The following FABP1 variants were observed in gnomAD, a reference collection of about 807,000 sequenced individuals.
FABP1 encodes the protein fatty acid binding protein 1.
A neutral mutation model predicts 13.7 loss-of-function variants in FABP1; 13 were observed. The observed-to-expected ratio is 0.95, with a 90% CI of 0.62 to 1.51. FABP1 has a LOEUF of 1.51. Among genes scored for constraint, FABP1 ranks in the 40% most tolerant of loss-of-function variants. The pLI, the probability that FABP1 is intolerant of heterozygous loss-of-function variation, is 0.00. For missense variants in FABP1, 140 were observed against 155.7 expected, an observed-to-expected ratio of 0.90 and a Z score of 0.54; for synonymous variants, 48 against 59.8, an observed-to-expected ratio of 0.80 and a Z score of 0.91.
At chr2:88,123,314 C>T (rs1043280380) in intron 3 of FABP1, 2 of 554,246 alleles carry the variant, frequency 3.6e-6, no homozygotes, top group Middle Eastern at 4.8e-4. Context: ...TGTCACTTCT[C>T]CTCCTCACCT....
At chr2:88,127,509 G>A (rs560897687) in intron 1 of FABP1, among the ~76,000 whole-genome samples, 64 of 152,136 alleles carry the variant, frequency 4.2e-4, no homozygotes, top group South Asian at 1.0e-3. Context: ...CACAGTCAGC[G>A]CTCCATACAC....
intron 2 of FABP1, 144 bp from the exon 3 acceptor site, chr2:88,124,730 G>A: frequency 1.7e-6 from 1 of 583,972 alleles, no homozygotes; most frequent in Non-Finnish European, 3.0e-6. Flanking sequence ...CTAGTTCTCT[G>A]GCTCCAAATA....
chr2:88,126,473 A>G (rs1443069527), intron 1 of FABP1, 125 bp from the exon 2 acceptor site: 8 of 937,312 alleles, frequency 8.5e-6, no homozygotes, highest in Non-Finnish European at 1.3e-5. Context: ...CCAAGGGGCC[A>G]CAGAAACTCA....
intron 3 of FABP1, chr2:88,123,426 G>A: frequency 2.9e-6 from 1 of 350,492 alleles, no homozygotes; most frequent in Non-Finnish European, 5.2e-6. Context: ...ATTTCATTGA[G>A]TACCTACTAT....
rs1172430750 is a variant in FABP1 at position 88,127,843 on chromosome 2, C to A, written c.67+108G>T. 5.2e-6 allele frequency: 6 copies of A among 1,154,142 alleles called. No individual in the cohort carries two copies. In the Admixed American group the frequency reaches 1.0e-4, roughly 20 times the overall value. 71.5% of individuals were successfully genotyped at this position (1,154,142 alleles called of 1,614,324 possible). ...ATGCCCCCTAGTTTGTGTATATAGC[C>A]TGAATCTCTCCCCCCATCTCAACAT... On this transcript the variant is annotated intron_variant, in intron 1 of 3. Transcript: ENST00000295834.
Position 88,123,034 on chromosome 2 carries a change from A to C in FABP1, c.*20T>G, listed in dbSNP as rs763296953. 4 of 1,593,850 alleles carry C rather than the reference A, an allele frequency of 2.5e-6. No individual in the cohort carries two copies. In the East Asian group the frequency reaches 6.7e-5, roughly 27 times the overall value. On this transcript the variant is annotated 3_prime_UTR_variant, in exon 4 of 4. Transcript: ENST00000295834. ...TTACATTAATTTTACACACTAAAAT[A>C]ATATGAAATGCAGACTTGTTTAAAT...
intron 2 of FABP1, among the ~76,000 whole-genome samples, chr2:88,124,965 GT>G (rs1290694588): frequency 8.2e-5 from 11 of 133,932 alleles, no homozygotes; most frequent in African/African-American, 3.0e-4. Flanking sequence ...GCTTTGGTAT[GT>G]ATTCTTCTTT....
intron 1 of FABP1, 55 bp downstream of exon 1, chr2:88,127,896 G>T: frequency 6.4e-7 from 1 of 1,563,818 alleles, no homozygotes; most frequent in Non-Finnish European, 8.8e-7. Context: ...ACTGCTGGTA[G>T]AGCTAGACCC....
At chr2:88,125,396 C>A (rs1230151680) in intron 2 of FABP1, among the ~76,000 whole-genome samples, 2 of 152,162 alleles carry the variant, frequency 1.3e-5, no homozygotes, top group African/African-American at 4.8e-5. Flanking sequence ...CAAACACGCC[C>A]AGCCCAATGA....
Position 88,127,402 on chromosome 2 carries a change from A to G in FABP1, c.67+549T>C, listed in dbSNP as rs145732316. Among the ~76,000 whole-genome samples the G allele has an allele frequency of 5.3e-5, 8 of 152,288 alleles. No individual in the cohort carries two copies. The East Asian group carries it at 1.5e-3, about 29-fold the overall frequency. On this transcript the variant is annotated intron_variant, in intron 1 of 3. Transcript: ENST00000295834. ...CTAAACCTTTCTGGGCTTCAGTTGC[A>G]TTAACTGTAAAGTGGGAAAATAATG...
intron 1 of FABP1, chr2:88,126,579 A>C (rs945420139): frequency 5.3e-5 from 25 of 471,514 alleles, no homozygotes; most frequent in Non-Finnish European, 8.9e-5. Context: ...ATTTATAAAA[A>C]GGACACTCTT....
At position 88,126,233 on chromosome 2, in the gene FABP1, G is replaced by A. The variant is rs189385926; in HGVS notation, c.183C>T (p.Asn61=). ...CACATTCCTCCCCCACCGTGAATTCGTTTTGGATCACTTTGGACCCAGCGG... is the reference window on the plus strand; with the variant it reads ...CACATTCCTCCCCCACCGTGAATTCATTTTGGATCACTTTGGACCCAGCGG... ...TITAGSKVIQ[N]EFTVGEECEL... The change falls in exon 2 of 4, where the codon AAC becomes AAT. Residue 61 remains asparagine, a synonymous_variant. Coordinates refer to ENST00000295834, the MANE Select transcript of FABP1 (RefSeq NM_001443.3). The A allele has an allele frequency of 2.7e-5, 44 of 1,612,800 alleles. No homozygotes were observed. Among genetic ancestry groups the A allele is most frequent in the Admixed American group, 1.0e-4 (6 of 60,004 alleles).
Position 88,126,078 on chromosome 2 carries a change from T to G in FABP1, c.240+98A>C, listed in dbSNP as rs963255745. The G allele has an allele frequency of 2.3e-6, 3 of 1,299,850 alleles. No homozygotes were observed. In the African/African-American group the frequency reaches 4.4e-5, roughly 19 times the overall value. 80.5% of individuals were successfully genotyped at this position (1,299,850 alleles called of 1,614,324 possible). A position where few individuals can be genotyped will look rare whatever the true frequency, so the allele number is the denominator to read the frequency against. On this transcript the variant is annotated intron_variant, in intron 2 of 3. Transcript: ENST00000295834. ...ACATGGGAGGTGGGTTCAGAGATGG[T>G]ATCTGTGGGTGGAATTGTGAGGTTT... is the stretch of plus-strand genomic sequence containing the variant.
At position 88,126,350 on chromosome 2, in the gene FABP1, T is replaced by C. The variant is rs753805086; in HGVS notation, c.68-2A>G. On this transcript the variant is annotated splice_acceptor_variant, in intron 1 of 3. Transcript: ENST00000295834. LOFTEE classifies it high-confidence loss of function. ...TCTGGATGAGCTCTTCCGGCAGACC[T>C]GGTGGAAACCGTCTGAGGTTTAGAT... is the stretch of plus-strand genomic sequence containing the variant. 1.2e-6 allele frequency: 2 copies of C among 1,612,232 alleles called. No homozygotes were observed. Among genetic ancestry groups the C allele is most frequent in the Admixed American group, 3.3e-5 (2 of 59,980 alleles).
At chr2:88,127,761 TA>T (rs1373343707) in intron 1 of FABP1, among the ~76,000 whole-genome samples, 189 bp downstream of exon 1, 1 of 152,204 alleles carries the variant, frequency 6.6e-6, no homozygotes, top group East Asian at 1.9e-4. Context: ...TCCACTTGCC[TA>T]TGGGGTGGCC....
At chr2:88,125,414 T>C (rs1472274742) in intron 2 of FABP1, among the ~76,000 whole-genome samples, 3 of 152,136 alleles carry the variant, frequency 2.0e-5, no homozygotes. Context: ...TGAACAGAGC[T>C]GTCCACGGGG....
Position 88,123,029 on chromosome 2 carries a change from A to T in FABP1, c.*25T>A, listed in dbSNP as rs778820000. ...CTTTATTACATTAATTTTACACACTAAAATAATATGAAATGCAGACTTGTT... is the reference window on the plus strand; with the variant it reads ...CTTTATTACATTAATTTTACACACTTAAATAATATGAAATGCAGACTTGTT... On this transcript the variant is annotated 3_prime_UTR_variant, in exon 4 of 4. Coordinates refer to ENST00000295834, the MANE Select transcript of FABP1 (RefSeq NM_001443.3). The T allele has an allele frequency of 6.3e-7, 1 of 1,587,574 alleles. No homozygotes were observed. The highest frequency in any genetic ancestry group is 8.6e-7 in the Non-Finnish European group (1 of 1,164,144).
chr2:88,123,755 C>G (rs1198465170), intron 3 of FABP1: 1 of 152,348 alleles, frequency 6.6e-6, no homozygotes, highest in Admixed American at 6.5e-5. Flanking sequence ...GACAGGTCAA[C>G]CTGTCTATTG....
At chr2:88,123,380 A>C in intron 3 of FABP1, 1 of 447,320 alleles carries the variant, frequency 2.2e-6, no homozygotes. Context: ...CTGTTATAGC[A>C]AGACCATCCA....
Sources: gnomAD v4.1 joint callset for allele counts (sites outside exome capture counted in the v4.1 genomes callset) on GRCh38, gnomAD v4.1.1 for gene constraint, MANE v1.5 for transcripts, NCBI Gene and HGNC (gene_info 2026-07-23, HGNC 2026-07-21) for gene names.